EDC3: variants seen among roughly 807,000 people sequenced by gnomAD.
The protein encoded by EDC3 is enhancer of mRNA decapping 3.
In EDC3, 20 loss-of-function variants were observed where a neutral mutation model predicts 41.8. The observed-to-expected ratio is 0.48, with a 90% CI of 0.34 to 0.70. The LOEUF (loss-of-function observed/expected upper bound fraction) is 0.70. EDC3 is among the 30% of genes least tolerant of loss of function. The pLI is 0.01. For synonymous variants in EDC3, 206 were observed against 243.2 expected (o/e 0.85, Z 1.42); for missense variants, 444 against 636.8 (o/e 0.70, Z 3.26).
intron 1 of EDC3, among the ~76,000 whole-genome samples, chr15:74,687,522 C>T (rs1395179114): frequency 6.6e-6 from 1 of 152,106 alleles, no homozygotes; most frequent in East Asian, 1.9e-4. Flanking sequence ...GGACTACAGG[C>T]GCCCGCCACC....
At chr15:74,644,837 A>G (rs545914439) in intron 4 of EDC3, 13 of 152,240 alleles carry the variant, frequency 8.5e-5, no homozygotes, top group African/African-American at 3.1e-4. Context: ...ATGAAGGGAA[A>G]AATTATCTTT....
At position 74,632,768 on chromosome 15, in the gene EDC3, C is replaced by A; in HGVS notation, c.1371G>T (p.Trp457Cys). ...GCAGAGGCAGGCCCAGTGCCAGTGACCATTTGGCATCAATGCCCTGTTCGA... is the reference window on the plus strand; with the variant it reads ...GCAGAGGCAGGCCCAGTGCCAGTGAACATTTGGCATCAATGCCCTGTTCGA... ...HEVEQGIDAK[W>C]SLALGLPLPL... is the part of the protein sequence containing the mutation. Residue 457 changes from tryptophan to cysteine, a missense_variant, in exon 7 of 7, where the codon TGG (tryptophan) becomes TGT (cysteine). Transcript: ENST00000315127. This position sits in a 1 kb window ranked among gnomAD's most constrained non-coding sequence, Gnocchi z 4.0. 1 of 1,614,242 alleles carries A rather than the reference C, an allele frequency of 6.2e-7. No homozygotes were observed.
chr15:74,648,124 A>C (rs1482726573), intron 4 of EDC3, among the ~76,000 whole-genome samples: 1 of 152,230 alleles, frequency 6.6e-6, no homozygotes, highest in Non-Finnish European at 1.5e-5. Context: ...AGAGTACAAC[A>C]GCTGCCAAAG....
rs767980037 is a variant in EDC3 at position 74,675,007 on chromosome 15, G to T, written c.118C>A (p.Pro40Thr). Residue 40 changes from proline to threonine, a missense_variant, in exon 2 of 7, where the codon CCT (proline) becomes ACT (threonine). Physicochemically the swap from Pro to Thr is conservative, Grantham distance 38. This residue lies in a region of EDC3 where 200 missense variants were observed against 244.0 expected (regional missense o/e 0.82). Coordinates refer to ENST00000315127, the MANE Select transcript of EDC3 (RefSeq NM_025083.5). ...QVSQTISLTR[P>T]FHNGVKCLVP... ...AGACACTTCACTCCATTATGGAAAGGCCGGGTGAGAGAAATGGTCTGGCTG... is the reference window on the plus strand; with the variant it reads ...AGACACTTCACTCCATTATGGAAAGTCCGGGTGAGAGAAATGGTCTGGCTG... 2 of 1,614,124 alleles carry T rather than the reference G, an allele frequency of 1.2e-6. No individual in the cohort carries two copies. Among genetic ancestry groups the T allele is most frequent in the Non-Finnish European group, 8.5e-7 (1 of 1,180,022 alleles).
At chr15:74,662,294 A>T (rs2062629248) in intron 3 of EDC3, among the ~76,000 whole-genome samples, 1 of 152,070 alleles carries the variant, frequency 6.6e-6, no homozygotes. Flanking sequence ...TCTTGCTCTA[A>T]CTTCCCAAGG....
rs905769973 is a variant in EDC3, at chr15:74,682,631, A to C, written c.-18-7489T>G. 3.1e-3 allele frequency among the ~76,000 whole-genome samples: 475 copies of C among 151,796 alleles called. 4 individuals are homozygous for C. The highest frequency in any genetic ancestry group is 0.011 in the African/African-American group (462 of 41,424). ...AGACTCCATCTCAAAAAAAAAAAAA[A>C]AAAAAACCAAAAAACTAAACATGCA... On this transcript the variant is annotated intron_variant, in intron 1 of 6. Coordinates refer to ENST00000315127, the MANE Select transcript of EDC3 (RefSeq NM_025083.5).
chr15:74,630,704 A>C lies in EDC3; in HGVS notation c.*1908T>G, dbSNP rs1295359122. 6.6e-6 allele frequency: 1 copy of C among 152,284 alleles called. No individual in the cohort carries two copies. Among genetic ancestry groups the C allele is most frequent in the Non-Finnish European group, 1.5e-5 (1 of 68,086 alleles). 9.4% of individuals were successfully genotyped at this position (152,284 alleles called of 1,614,324 possible). A position where few individuals can be genotyped will look rare whatever the true frequency, so the allele number is the denominator to read the frequency against. On this transcript the variant is annotated 3_prime_UTR_variant, in exon 7 of 7. Transcript: ENST00000315127. The stretch of plus-strand genomic sequence containing the variant: ...CCTGAAAAGAACTGAAGACAGAGGA[A>C]TCATACTTCTCTTTAATACCTCTGG...
intron 4 of EDC3, 93 bp downstream of exon 4, chr15:74,655,640 G>A: frequency 1.6e-6 from 2 of 1,267,018 alleles, no homozygotes; most frequent in Non-Finnish European, 2.2e-6. Context: ...AATTCCTAGT[G>A]TGAGATTCTG....
At chr15:74,655,619 C>T in intron 4 of EDC3, 114 bp downstream of exon 4, 1 of 1,071,284 alleles carries the variant, frequency 9.3e-7, no homozygotes, top group Middle Eastern at 3.2e-4. Flanking sequence ...AGCCACCAAG[C>T]CACTTAAATT....
intron 3 of EDC3, among the ~76,000 whole-genome samples, chr15:74,658,175 A>G (rs2141620073): frequency 6.6e-6 from 1 of 152,342 alleles, no homozygotes; most frequent in South Asian, 2.1e-4. Context: ...CCTCTATCAC[A>G]GTCTAAATAA....
chr15:74,677,484 C>A (rs1269971844), intron 1 of EDC3, among the ~76,000 whole-genome samples: 2 of 151,832 alleles, frequency 1.3e-5, no homozygotes, highest in African/African-American at 4.8e-5. Context: ...CTGCCTCAGC[C>A]TTCCAAGTAG....
intron 3 of EDC3, among the ~76,000 whole-genome samples, chr15:74,668,945 AT>A (rs1238751435): frequency 2.6e-5 from 4 of 152,056 alleles, no homozygotes; most frequent in African/African-American, 9.7e-5. Flanking sequence ...ACATTAAAAC[AT>A]TTTTTTAGGC....
chr15:74,667,587 A>T (rs112326815), intron 3 of EDC3, among the ~76,000 whole-genome samples: 1,733 of 152,124 alleles, frequency 0.011, 12 homozygotes, highest in Middle Eastern at 0.02. Context: ...AAAAAAAAAA[A>T]AAAATAAAAT....
rs955000239 is a variant in EDC3 at position 74,631,724 on chromosome 15, A to G, written c.*888T>C. 1 of 153,000 alleles carries G rather than the reference A, an allele frequency of 6.5e-6. No homozygotes were observed. The highest frequency in any genetic ancestry group is 1.5e-5 in the Non-Finnish European group (1 of 68,384). The allele number at this position is 153,000 out of a possible 1,614,324, so 9.5% of individuals were successfully genotyped here. ...CTGGAGGAGTGGTGGCCTAGGACAG[A>G]AGCACCAGGAAGCCTCTTCTGGTTC... On this transcript the variant is annotated 3_prime_UTR_variant, in exon 7 of 7. Coordinates refer to ENST00000315127, the MANE Select transcript of EDC3 (RefSeq NM_025083.5).
rs932234907 is a variant in EDC3, at chr15:74,632,303, C to G, written c.*309G>C. ...GTGCCCAGGCCCAGTGGCTGTAAAC[C>G]TGAAACACAGTCTTGAGAGCTGCCT... On this transcript the variant is annotated 3_prime_UTR_variant, in exon 7 of 7. Transcript: ENST00000315127. This position sits in a 1 kb window ranked among gnomAD's most constrained non-coding sequence, Gnocchi z 4.0. 5.2e-6 allele frequency: 2 copies of G among 386,044 alleles called. No homozygotes were observed. The highest frequency in any genetic ancestry group is 9.6e-6 in the Non-Finnish European group (2 of 209,398). The allele number at this position is 386,044 out of a possible 1,614,324, so 23.9% of individuals were successfully genotyped here. A position where few individuals can be genotyped will look rare whatever the true frequency, so the allele number is the denominator to read the frequency against.
At chr15:74,665,972 T>G (rs1171051886) in intron 3 of EDC3, among the ~76,000 whole-genome samples, 2 of 151,966 alleles carry the variant, frequency 1.3e-5, no homozygotes, top group Non-Finnish European at 2.9e-5. Flanking sequence ...TGATTTTTTG[T>G]ATTTGTGTAC....
At chr15:74,666,802 A>C (rs2062680857) in intron 3 of EDC3, among the ~76,000 whole-genome samples, 1 of 152,236 alleles carries the variant, frequency 6.6e-6, no homozygotes, top group Non-Finnish European at 1.5e-5. Flanking sequence ...CAAAACCCAC[A>C]GAATTTTACA....
At chr15:74,695,078 A>G (rs2063050078) in intron 1 of EDC3, among the ~76,000 whole-genome samples, 2 of 152,160 alleles carry the variant, frequency 1.3e-5, no homozygotes, top group African/African-American at 2.4e-5. Context: ...GCAGACTGAA[A>G]TCGGTTTGGT....
intron 4 of EDC3, 108 bp downstream of exon 4, chr15:74,655,625 A>T: frequency 8.7e-7 from 1 of 1,145,174 alleles, no homozygotes; most frequent in Non-Finnish European, 1.2e-6. Flanking sequence ...CAAGCCACTT[A>T]AATTAATTCC....
Sources: allele counts gnomAD v4.1 joint callset (sites outside exome capture counted in the v4.1 genomes callset), GRCh38; gene constraint gnomAD v4.1.1; regional missense constraint gnomAD v4.1.1; non-coding constraint Gnocchi (gnomAD v3.1); transcripts MANE v1.5; gene names NCBI Gene and HGNC (gene_info 2026-07-23, HGNC 2026-07-21).